PNPLA7: variants seen among roughly 807,000 people sequenced by gnomAD.
PNPLA7 encodes patatin-like phospholipase domain-containing protein 7.
In PNPLA7, 153 loss-of-function variants were observed where a neutral mutation model predicts 161.7. The ratio of observed to expected loss-of-function variants is 0.95; its 90% CI spans 0.83 to 1.08. The LOEUF is 1.08. PNPLA7 is among the 50% of genes least tolerant of loss of function. PNPLA7 has a pLI of 0.00. For synonymous variants in PNPLA7, 809 were observed against 782.1 expected (o/e 1.03, Z -0.57); for missense variants, 1,739 against 1,856.6 (o/e 0.94, Z 1.16).
In PNPLA7 at chr9:137,492,994, G is replaced by A; in HGVS notation, c.2197+19C>T. 6.2e-7 allele frequency: 1 copy of A among 1,611,422 alleles called. No individual in the cohort carries two copies. The highest frequency in any genetic ancestry group is 1.1e-5 in the South Asian group (1 of 91,038). ...GGTGAGGGCTCCCAGGAGGCTCTGG[G>A]TTGGGAGAGGTGACCCACCTGTCAC... On this transcript the variant is annotated intron_variant, in intron 20 of 34. Coordinates refer to ENST00000406427, the MANE Select transcript of PNPLA7 (RefSeq NM_001098537.3).
Position 137,462,051 on chromosome 9 carries a change from C to T in PNPLA7, c.3646-10G>A, listed in dbSNP as rs41307436. 6.4e-6 allele frequency: 10 copies of T among 1,568,846 alleles called. No individual in the cohort carries two copies. The highest frequency in any genetic ancestry group is 1.8e-5 in the Admixed American group (1 of 54,684). ...GCTGGTAGCCCACTTCCTGTGCACA[C>T]CCCCAGGGCCCCGTCAGGAGGTGTG... is the stretch of plus-strand genomic sequence containing the variant. On this transcript the variant is annotated splice_polypyrimidine_tract_variant and intron_variant, in intron 31 of 34. Transcript: ENST00000406427.
At chr9:137,521,924 A>G (rs766463724) in intron 9 of PNPLA7, among the ~76,000 whole-genome samples, 1 of 152,234 alleles carries the variant, frequency 6.6e-6, no homozygotes, top group Non-Finnish European at 1.5e-5. Flanking sequence ...CAAGGGGCAC[A>G]TGAAGACTGC....
Position 137,543,209 on chromosome 9 carries a change from T to C in PNPLA7, c.506+223A>G, listed in dbSNP as rs1836305174. Among the ~76,000 whole-genome samples, 1 of 152,132 alleles carries C rather than the reference T, an allele frequency of 6.6e-6. No individual in the cohort carries two copies. The highest frequency in any genetic ancestry group is 2.4e-5 in the African/African-American group (1 of 41,434). On this transcript the variant is annotated intron_variant, in intron 6 of 34. Coordinates refer to ENST00000406427, the MANE Select transcript of PNPLA7 (RefSeq NM_001098537.3). The surrounding 1 kb of genome is among the most constrained non-coding windows in gnomAD (Gnocchi z 6.9). ...CTTGCTCTTGCCCTGGGTTCACCGCTGAAGATGAAACACCGGGAAATCGTT... is the reference window on the plus strand; with the variant it reads ...CTTGCTCTTGCCCTGGGTTCACCGCCGAAGATGAAACACCGGGAAATCGTT...
At chr9:137,522,280 G>T (rs2353071) in intron 9 of PNPLA7, among the ~76,000 whole-genome samples, 6,538 of 148,946 alleles carry the variant, frequency 0.044, 313 homozygotes, top group African/African-American at 0.12. Flanking sequence ...TTCACCGTGT[G>T]AGCCAGGATG....
At chr9:137,526,255 CTG>C (rs1407817930) in intron 8 of PNPLA7, among the ~76,000 whole-genome samples, 1 of 152,112 alleles carries the variant, frequency 6.6e-6, no homozygotes, top group Non-Finnish European at 1.5e-5. Context: ...AGACCTCACT[CTG>C]TGGGTCTCTT....
At chr9:137,545,259 G>A (rs1836433835) in intron 4 of PNPLA7, among the ~76,000 whole-genome samples, 2 of 152,180 alleles carry the variant, frequency 1.3e-5, no homozygotes, top group African/African-American at 4.8e-5. Context: ...CATTCAAAGT[G>A]AGTCACGCAG....
rs1054335058 is a variant in PNPLA7, at chr9:137,495,022, G to A, written c.2127+11C>T. On this transcript the variant is annotated intron_variant, in intron 19 of 34. Coordinates refer to ENST00000406427, the MANE Select transcript of PNPLA7 (RefSeq NM_001098537.3). Reference sequence around the variant, plus strand: ...TCATCCGCTCCGCATCCTCACCCACGCCATGCTCACCTGTGGGTACCTGCG... The same window carrying A: ...TCATCCGCTCCGCATCCTCACCCACACCATGCTCACCTGTGGGTACCTGCG... 8 of 1,600,190 alleles carry A rather than the reference G, an allele frequency of 5.0e-6. No homozygotes were observed. Among genetic ancestry groups the A allele is most frequent in the South Asian group, 3.3e-5 (3 of 90,264 alleles).
At chr9:137,461,441 G>A (rs1482032642) in intron 33 of PNPLA7, 95 bp downstream of exon 33, 5 of 1,320,002 alleles carry the variant, frequency 3.8e-6, no homozygotes, top group East Asian at 2.6e-5. Flanking sequence ...GGCGGGAGGG[G>A]AGGCCGTGGG....
rs371305073 is a variant in PNPLA7, at chr9:137,467,386, G to A, written c.2970C>T (p.Phe990=). The change falls in exon 26 of 35, where the codon TTC becomes TTT. Residue 990 remains phenylalanine, a synonymous_variant. Coordinates refer to ENST00000406427, the MANE Select transcript of PNPLA7 (RefSeq NM_001098537.3). This position sits in a 1 kb window ranked among gnomAD's most constrained non-coding sequence, Gnocchi z 5.1. ...GCTCCTCAGAGTACAGGGCACCCAC[G>A]AAGGCCCCGATGGACGTGCCTCCCA... ...DMVGGTSIGA[F]VGALYSEERN... 37 of 1,613,294 alleles carry A rather than the reference G, an allele frequency of 2.3e-5. No homozygotes were observed. The highest frequency in any genetic ancestry group is 1.9e-4 in the African/African-American group (14 of 74,896).
chr9:137,502,730 G>GGGGGACGCGGGGGACGC (rs1833538898), intron 14 of PNPLA7, among the ~76,000 whole-genome samples: 1 of 40,986 alleles, frequency 2.4e-5, no homozygotes, highest in Non-Finnish European at 4.7e-5. Flanking sequence ...GCGGGGGACG[G>GGGGGACGCGGGGGACGC]GGGGGACGAG....
intron 29 of PNPLA7, 85 bp from the exon 30 acceptor site, chr9:137,462,918 A>C: frequency 6.4e-7 from 1 of 1,558,712 alleles, no homozygotes; most frequent in Non-Finnish European, 8.7e-7. Context: ...CCGAGCCCTG[A>C]CGTGGGGGTT....
At position 137,479,085 on chromosome 9, in the gene PNPLA7, C is replaced by A. The variant is rs1368315726; in HGVS notation, c.2734G>T (p.Val912Phe). ...GHLHLCCPRR[V>F]FSRRSLPKLV... ...TTGGGCAGGCTCCTCCTGGAGAAGACGCGGCGCGGGCAGCAGAGGTGCAGG... is the reference window on the plus strand; with the variant it reads ...TTGGGCAGGCTCCTCCTGGAGAAGAAGCGGCGCGGGCAGCAGAGGTGCAGG... The change falls in exon 24 of 35, where the codon GTC becomes TTC. Residue 912 changes from valine (V) to phenylalanine (F), a missense_variant. Transcript: ENST00000406427. 3.1e-6 allele frequency: 5 copies of A among 1,595,562 alleles called. No homozygotes were observed. The highest frequency in any genetic ancestry group is 3.4e-6 in the Non-Finnish European group (4 of 1,170,568).
chr9:137,492,249 T>C, intron 20 of PNPLA7: 1 of 985,264 alleles, frequency 1.0e-6, no homozygotes, highest in South Asian at 4.7e-5. Flanking sequence ...CTTTCCATGC[T>C]GAGCACAGGA....
intron 1 of PNPLA7, among the ~76,000 whole-genome samples, chr9:137,549,093 A>T (rs763292712): frequency 6.6e-6 from 1 of 152,266 alleles, no homozygotes; most frequent in Non-Finnish European, 1.5e-5. Flanking sequence ...GGAGCGGCTC[A>T]GCCTTTTCTA....
chr9:137,522,181 T>C (rs906213836), intron 9 of PNPLA7, among the ~76,000 whole-genome samples: 2 of 152,188 alleles, frequency 1.3e-5, no homozygotes, highest in Non-Finnish European at 1.5e-5. Context: ...TTCATGCCGT[T>C]CTCCTGCCTC....
In PNPLA7 at chr9:137,520,215, T is replaced by G. The variant is rs879094210; in HGVS notation, c.958-172A>C. Among the ~76,000 whole-genome samples, 1 of 151,392 alleles carries G rather than the reference T, an allele frequency of 6.6e-6. No homozygotes were observed. Among genetic ancestry groups the G allele is most frequent in the Non-Finnish European group, 1.5e-5 (1 of 67,818 alleles). On this transcript the variant is annotated intron_variant, in intron 10 of 34. Transcript: ENST00000406427. This position sits in a 1 kb window ranked among gnomAD's most constrained non-coding sequence, Gnocchi z 5.2. The stretch of plus-strand genomic sequence containing the variant: ...CTCAAAGGTGTGACAGGTGTGGGCC[T>G]CTCAAAGGTGTGACAGGTGTGGGCC...
chr9:137,507,339 G>A (rs1359684395), intron 12 of PNPLA7, among the ~76,000 whole-genome samples: 4 of 152,254 alleles, frequency 2.6e-5, no homozygotes, highest in African/African-American at 7.2e-5. Flanking sequence ...CCACACAGGG[G>A]AACACTGGGG....
rs1216200231 is a variant in PNPLA7 at position 137,468,623 on chromosome 9, G to A, written c.2883-1150C>T. On this transcript the variant is annotated intron_variant, in intron 25 of 34. Coordinates refer to ENST00000406427, the MANE Select transcript of PNPLA7 (RefSeq NM_001098537.3). The surrounding 1 kb of genome is among the most constrained non-coding windows in gnomAD (Gnocchi z 4.0). Reference sequence around the variant, plus strand: ...TTTTAATCCTCAGTGTTGGAGGAGGGACCCGGTGGGAGGTAACTGGATCAT... The same window carrying A: ...TTTTAATCCTCAGTGTTGGAGGAGGAACCCGGTGGGAGGTAACTGGATCAT... Among the ~76,000 whole-genome samples the A allele has an allele frequency of 6.6e-6, 1 of 152,020 alleles. No homozygotes were observed. Among genetic ancestry groups the A allele is most frequent in the South Asian group, 2.1e-4 (1 of 4,808 alleles).
chr9:137,470,134 CT>C (rs1184806641), intron 25 of PNPLA7, among the ~76,000 whole-genome samples: 1 of 152,092 alleles, frequency 6.6e-6, no homozygotes, highest in African/African-American at 2.4e-5. Flanking sequence ...AGTGATCCCC[CT>C]CCTGCCTCCG....
Sources: allele counts gnomAD v4.1 joint callset (sites outside exome capture counted in the v4.1 genomes callset), GRCh38; gene constraint gnomAD v4.1.1; non-coding constraint Gnocchi (gnomAD v3.1); transcripts MANE v1.5; gene names NCBI Gene and HGNC (gene_info 2026-07-23, HGNC 2026-07-21).